MEGF9: variants seen among roughly 807,000 people sequenced by gnomAD.
The protein encoded by MEGF9 is multiple epidermal growth factor-like domains protein 9.
Under a neutral mutation model 46.8 loss-of-function variants are expected in MEGF9, and 6 were observed. That is an observed-to-expected ratio of 0.13 (90% confidence interval 0.07 to 0.25). The LOEUF is 0.25. Among genes scored for constraint, MEGF9 ranks in the 10% least tolerant of loss-of-function variants. The probability of loss-of-function intolerance (pLI) is 1.00; values close to 1 mark genes in which losing one functional copy is unlikely to be tolerated. For missense variants in MEGF9, 683 were observed against 792.4 expected (o/e 0.86, Z 1.66); for synonymous variants, 302 against 330.7 (o/e 0.91, Z 0.94).
chr9:120,609,014 T>C (rs983712452), intron 4 of MEGF9, among the ~76,000 whole-genome samples: 1 of 152,218 alleles, frequency 6.6e-6, no homozygotes, highest in Non-Finnish European at 1.5e-5. Flanking sequence ...ACATTCACTT[T>C]GAACTTCAAA....
chr9:120,695,208 AG>A (rs993222815), intron 1 of MEGF9, among the ~76,000 whole-genome samples: 2 of 152,192 alleles, frequency 1.3e-5, no homozygotes, highest in Non-Finnish European at 2.9e-5. Flanking sequence ...CATGTTAGGG[AG>A]TGCCAACATC....
At chr9:120,641,929 C>A (rs2043605025) in intron 2 of MEGF9, among the ~76,000 whole-genome samples, 1 of 152,134 alleles carries the variant, frequency 6.6e-6, no homozygotes, top group South Asian at 2.1e-4. Context: ...CCCCTATATT[C>A]CTAATGATTA....
intron 1 of MEGF9, among the ~76,000 whole-genome samples, chr9:120,677,857 TG>T (rs2043780379): frequency 6.6e-6 from 1 of 152,192 alleles, no homozygotes; most frequent in Admixed American, 6.5e-5. Flanking sequence ...AAGAGTTAAT[TG>T]TTCATGTTTC....
At chr9:120,623,599 T>C (rs182865506) in intron 2 of MEGF9, among the ~76,000 whole-genome samples, 2 of 152,084 alleles carry the variant, frequency 1.3e-5, no homozygotes, top group Non-Finnish European at 1.5e-5. Flanking sequence ...ATTTATACTA[T>C]CAAGCATGAA....
intron 1 of MEGF9, among the ~76,000 whole-genome samples, chr9:120,706,299 A>G (rs1300567917): frequency 6.6e-6 from 1 of 152,170 alleles, no homozygotes; most frequent in Non-Finnish European, 1.5e-5. Flanking sequence ...CTGGGGACAT[A>G]ATACAGAAGA....
chr9:120,685,493 G>C lies in MEGF9; in HGVS notation c.602-25918C>G, dbSNP rs894598612. Among the ~76,000 whole-genome samples the C allele has an allele frequency of 2.0e-5, 3 of 152,146 alleles. No individual in the cohort carries two copies. In the East Asian group the frequency reaches 5.8e-4, roughly 29 times the overall value. ...GCAATGTTAGATAAAATATCTAAGGGAAACAGACTATGGCTAAATGATATC... is the reference window on the plus strand; with the variant it reads ...GCAATGTTAGATAAAATATCTAAGGCAAACAGACTATGGCTAAATGATATC... On this transcript the variant is annotated intron_variant, in intron 1 of 5. Coordinates refer to ENST00000373930, the MANE Select transcript of MEGF9 (RefSeq NM_001080497.3).
In MEGF9 at chr9:120,622,606, A is replaced by T; in HGVS notation, c.943+10T>A. 1 of 1,613,034 alleles carries T rather than the reference A, an allele frequency of 6.2e-7. No homozygotes were observed. The highest frequency in any genetic ancestry group is 1.7e-5 in the Admixed American group (1 of 59,854). ...AATAATTACATGACAAAGTTAAGGA[A>T]AGTACGTACCTGTGAGGGCATCGCA... On this transcript the variant is annotated intron_variant, in intron 3 of 5. Transcript: ENST00000373930.
chr9:120,687,292 T>C lies in MEGF9; in HGVS notation c.601+26466A>G, dbSNP rs779948769. On this transcript the variant is annotated intron_variant, in intron 1 of 5. Coordinates refer to ENST00000373930, the MANE Select transcript of MEGF9 (RefSeq NM_001080497.3). ...ATTACCTGGGAACTTGTGAGAAATATAGATTCTCAGGCCCACCTGAGAACA... is the reference window on the plus strand; with the variant it reads ...ATTACCTGGGAACTTGTGAGAAATACAGATTCTCAGGCCCACCTGAGAACA... 3.3e-5 allele frequency among the ~76,000 whole-genome samples: 5 copies of C among 152,168 alleles called. No individual in the cohort carries two copies. In the South Asian group the frequency reaches 6.2e-4, roughly 19 times the overall value.
intron 2 of MEGF9, among the ~76,000 whole-genome samples, chr9:120,631,441 A>AT (rs1261352261): frequency 6.7e-6 from 1 of 150,304 alleles, no homozygotes; most frequent in Non-Finnish European, 1.5e-5. Flanking sequence ...TTTGCTCAGA[A>AT]TTTGAGTATT....
chr9:120,618,855 G>C (rs148069869), intron 3 of MEGF9, among the ~76,000 whole-genome samples: 1,608 of 150,930 alleles, frequency 0.011, 31 homozygotes, highest in African/African-American at 0.034. Flanking sequence ...AGCCGAGATC[G>C]TGCCATGTAC....
Position 120,677,071 on chromosome 9 carries a change from A to G in MEGF9, c.602-17496T>C, listed in dbSNP as rs1312412721. Among the ~76,000 whole-genome samples, 4 of 152,220 alleles carry G rather than the reference A, an allele frequency of 2.6e-5. No homozygotes were observed. The East Asian group carries it at 7.7e-4, about 29-fold the overall frequency. On this transcript the variant is annotated intron_variant, in intron 1 of 5. Transcript: ENST00000373930. ...AGATAAGGAGCAAAAAGAAGAAGAA[A>G]TTCTACCTAATACTATTAAATGCAG... is the stretch of plus-strand genomic sequence containing the variant.
rs71385077 is a variant in MEGF9, at chr9:120,687,670, C to CTGTGTGTGTGTG, written c.601+26076_601+26087dup. ...CAAAATTTGAAACATGAACACAACA[C>CTGTGTGTGTGTG]TGTGTGTGTGTGTGTGTGTGTGTGT... On this transcript the variant is annotated intron_variant, in intron 1 of 5. Transcript: ENST00000373930. 7.2e-3 allele frequency among the ~76,000 whole-genome samples: 1,027 copies of CTGTGTGTGTGTG among 142,034 alleles called. 7 individuals carry two copies. The highest frequency in any genetic ancestry group is 0.027 in the East Asian group (127 of 4,730). The allele number at this position is 142,034 out of a possible 152,430, so 93.2% of individuals were successfully genotyped here.
intron 1 of MEGF9, among the ~76,000 whole-genome samples, chr9:120,665,879 C>A (rs953997351): frequency 6.6e-6 from 1 of 152,176 alleles, no homozygotes; most frequent in African/African-American, 2.4e-5. Flanking sequence ...GTGTTCTGGG[C>A]ACCTTTATTG....
intron 1 of MEGF9, among the ~76,000 whole-genome samples, chr9:120,674,480 C>A (rs968503893): frequency 6.6e-6 from 1 of 152,098 alleles, no homozygotes; most frequent in Non-Finnish European, 1.5e-5. Context: ...ACTGTCAATA[C>A]CAAATACCAC....
intron 1 of MEGF9, among the ~76,000 whole-genome samples, chr9:120,695,679 A>G (rs982710386): frequency 1.3e-5 from 2 of 151,712 alleles, no homozygotes; most frequent in Non-Finnish European, 2.9e-5. Flanking sequence ...AGGAGGCTGT[A>G]AGGATGTTTT....
intron 1 of MEGF9, among the ~76,000 whole-genome samples, chr9:120,706,064 A>G (rs985242402): frequency 6.6e-6 from 1 of 152,212 alleles, no homozygotes; most frequent in Non-Finnish European, 1.5e-5. Flanking sequence ...CCTAGAGCAG[A>G]ATTCTCTCCA....
intron 1 of MEGF9, among the ~76,000 whole-genome samples, chr9:120,703,902 G>A (rs960307138): frequency 6.6e-6 from 1 of 151,970 alleles, no homozygotes; most frequent in African/African-American, 2.4e-5. Flanking sequence ...CAACCTAAGA[G>A]GCAGAGGTTG....
rs76562461 is a variant in MEGF9 at position 120,636,371 on chromosome 9, A to T, written c.804-13616T>A. ...GTGCAGTGGTATAGTCTTCATGAAG[A>T]TTCTTCATCTTTATTCAATGTCAGC... On this transcript the variant is annotated intron_variant, in intron 2 of 5. Coordinates refer to ENST00000373930, the MANE Select transcript of MEGF9 (RefSeq NM_001080497.3). 1.1e-3 allele frequency among the ~76,000 whole-genome samples: 173 copies of T among 152,292 alleles called. 2 individuals are homozygous for T. The East Asian group carries it at 0.014, about 12-fold the overall frequency.
At chr9:120,688,677 G>T (rs2043835097) in intron 1 of MEGF9, among the ~76,000 whole-genome samples, 1 of 152,126 alleles carries the variant, frequency 6.6e-6, no homozygotes, top group Admixed American at 6.5e-5. Context: ...AGATGGAGGT[G>T]GAGAGTAACT....
Sources: gnomAD v4.1 joint callset for allele counts (sites outside exome capture counted in the v4.1 genomes callset) on GRCh38, gnomAD v4.1.1 for gene constraint, MANE v1.5 for transcripts, NCBI Gene and HGNC (gene_info 2026-07-23, HGNC 2026-07-21) for gene names.